The following M1AP variants were observed in gnomAD, a reference collection of about 807,000 sequenced individuals.
M1AP encodes meiosis 1 arrest protein.
In M1AP, 39 loss-of-function variants were observed where a neutral mutation model predicts 51.2. The ratio of observed to expected loss-of-function variants is 0.76; its 90% CI spans 0.59 to 1.00. The LOEUF is 1.00. M1AP is among the 50% of genes least tolerant of loss of function. M1AP has a pLI of 0.00. For missense variants in M1AP, 545 were observed against 641.2 expected (o/e 0.85, Z 1.62); for synonymous variants, 251 against 249.2 (o/e 1.01, Z -0.07).
intron 3 of M1AP, among the ~76,000 whole-genome samples, chr2:74,611,509 A>G (rs1681344049): frequency 6.6e-6 from 1 of 152,124 alleles, no homozygotes; most frequent in Admixed American, 6.5e-5. Flanking sequence ...ATTTTGTGGT[A>G]TCAGTTGTAA....
chr2:74,579,284 G>A (rs531989482), intron 5 of M1AP, among the ~76,000 whole-genome samples: 1 of 152,330 alleles, frequency 6.6e-6, no homozygotes, highest in East Asian at 1.9e-4. Context: ...GCCTCTGAGG[G>A]CACCAGCCCT....
At chr2:74,612,656 T>C (rs1681436042) in intron 3 of M1AP, among the ~76,000 whole-genome samples, 1 of 152,228 alleles carries the variant, frequency 6.6e-6, no homozygotes, top group Non-Finnish European at 1.5e-5. Flanking sequence ...CGTTTATTGC[T>C]ATAAACTTCC....
At chr2:74,609,827 C>T (rs917312636) in intron 3 of M1AP, among the ~76,000 whole-genome samples, 1 of 152,152 alleles carries the variant, frequency 6.6e-6, no homozygotes, top group African/African-American at 2.4e-5. Context: ...AGCATTTTTG[C>T]ACCTGCCTGT....
chr2:74,572,944 GAT>G (rs1038446664), intron 7 of M1AP, among the ~76,000 whole-genome samples: 4 of 152,212 alleles, frequency 2.6e-5, no homozygotes, highest in Non-Finnish European at 4.4e-5. Context: ...TAAATAGACA[GAT>G]AGATAAATAC....
intron 1 of M1AP, among the ~76,000 whole-genome samples, chr2:74,641,531 A>G (rs1683296254): frequency 6.6e-6 from 1 of 152,272 alleles, no homozygotes; most frequent in Admixed American, 6.5e-5. Context: ...TAAATAGTCT[A>G]TAATCATTAA....
chr2:74,576,867 G>A, intron 5 of M1AP: 1 of 1,258,416 alleles, frequency 7.9e-7, no homozygotes, highest in Admixed American at 3.3e-5. Context: ...ATCTTCAAGA[G>A]TCTGACATGA....
At chr2:74,577,430 C>T (rs752934434) in intron 5 of M1AP, among the ~76,000 whole-genome samples, 9 of 152,304 alleles carry the variant, frequency 5.9e-5, no homozygotes, top group Non-Finnish European at 8.8e-5. Context: ...TTCAATAAAA[C>T]GTATACCTGG....
At chr2:74,608,113 G>A (rs1573136902) in intron 3 of M1AP, among the ~76,000 whole-genome samples, 1 of 152,002 alleles carries the variant, frequency 6.6e-6, no homozygotes, top group Non-Finnish European at 1.5e-5. Flanking sequence ...GATTACATTA[G>A]GGTTGACTCT....
intron 1 of M1AP, 153 bp downstream of exon 1, chr2:74,648,112 C>T (rs1422565283): frequency 2.5e-5 from 25 of 983,720 alleles, no homozygotes; most frequent in Middle Eastern, 1.0e-3. Context: ...GAGCCTCTCT[C>T]GGCGTCAGTC....
intron 1 of M1AP, among the ~76,000 whole-genome samples, chr2:74,643,875 G>C (rs1229424509): frequency 6.6e-6 from 1 of 152,000 alleles, no homozygotes; most frequent in African/African-American, 2.4e-5. Flanking sequence ...GGATTACAGG[G>C]ATGAGCCACC....
rs114534158 is a variant in M1AP, at chr2:74,645,108, C to T, written c.-53+3157G>A. ...CTCACCGTGAAGGTCTGCAGCTTCG[C>T]TCCTGAGGCCAGGGAGACCACAAAC... On this transcript the variant is annotated intron_variant, in intron 1 of 10. Coordinates refer to ENST00000421985, the MANE Select transcript of M1AP (RefSeq NM_001321739.2). Among the ~76,000 whole-genome samples, 446 of 152,250 alleles carry T rather than the reference C, an allele frequency of 2.9e-3. 1 individual carries two copies. The highest frequency in any genetic ancestry group is 9.8e-3 in the African/African-American group (406 of 41,526).
Position 74,595,631 on chromosome 2 carries a change from C to T in M1AP, c.595+11424G>A, listed in dbSNP as rs562932921. On this transcript the variant is annotated intron_variant, in intron 4 of 10. Transcript: ENST00000421985. ...CCTCTCAAGGTGCTGGGATTGTAGG[C>T]TAAAAGCAAAGATTTCAACACTTTT... Among the ~76,000 whole-genome samples, 3 of 152,212 alleles carry T rather than the reference C, an allele frequency of 2.0e-5. No homozygotes were observed. In the East Asian group the frequency reaches 5.8e-4, roughly 29 times the overall value.
chr2:74,627,117 T>C (rs939777900), intron 2 of M1AP, among the ~76,000 whole-genome samples: 7 of 152,188 alleles, frequency 4.6e-5, no homozygotes, highest in Non-Finnish European at 1.0e-4. Flanking sequence ...TTCTCAATAG[T>C]ATTGAACAAT....
chr2:74,595,585 C>T (rs931390409), intron 4 of M1AP, among the ~76,000 whole-genome samples: 3 of 152,160 alleles, frequency 2.0e-5, no homozygotes, highest in Non-Finnish European at 2.9e-5. Flanking sequence ...CTCCTGAGCT[C>T]AAGTGATCTG....
intron 8 of M1AP, among the ~76,000 whole-genome samples, chr2:74,560,891 C>G (rs534254904): frequency 1.3e-5 from 2 of 152,286 alleles, no homozygotes; most frequent in East Asian, 3.9e-4. Context: ...AATCCCAGGC[C>G]TTGTCCTTGC....
At chr2:74,641,824 T>C (rs1243975830) in intron 1 of M1AP, among the ~76,000 whole-genome samples, 1 of 150,670 alleles carries the variant, frequency 6.6e-6, no homozygotes, top group Admixed American at 6.6e-5. Flanking sequence ...AGAACATATA[T>C]AACAGGATAC....
intron 7 of M1AP, among the ~76,000 whole-genome samples, chr2:74,564,117 GA>G (rs980099458): frequency 2.0e-5 from 3 of 152,214 alleles, no homozygotes; most frequent in African/African-American, 7.2e-5. Context: ...CAAAAAGGGG[GA>G]AAAGATTTTT....
intron 8 of M1AP, among the ~76,000 whole-genome samples, chr2:74,561,169 A>AAGGAGGAGGAGGAGG (rs1558643768): frequency 1.9e-4 from 5 of 26,544 alleles, no homozygotes; most frequent in African/African-American, 2.4e-4. Flanking sequence ...GGAGGAGGAG[A>AAGGAGGAGGAGGAGG]AGGAGGAGGA....
intron 3 of M1AP, among the ~76,000 whole-genome samples, chr2:74,609,091 TCTG>T (rs1235640553): frequency 6.6e-6 from 1 of 152,210 alleles, no homozygotes; most frequent in Non-Finnish European, 1.5e-5. Flanking sequence ...CAAAATCCTC[TCTG>T]CTATTTTGAA....
Sources: allele counts gnomAD v4.1 joint callset (sites outside exome capture counted in the v4.1 genomes callset), GRCh38; gene constraint gnomAD v4.1.1; transcripts MANE v1.5; gene names NCBI Gene and HGNC (gene_info 2026-07-23, HGNC 2026-07-21).